DOCK7: variants seen among roughly 807,000 people sequenced by gnomAD.
DOCK7 encodes the protein dedicator of cytokinesis protein 7.
DOCK7 carries 138 observed loss-of-function variants against 271.0 expected under a neutral mutation model. That is an observed-to-expected ratio of 0.51 (90% confidence interval 0.44 to 0.59). The LOEUF is 0.59. DOCK7 is among the 20% of genes least tolerant of loss of function. The pLI is 0.00. For missense variants in DOCK7, 2,066 were observed against 2,592.4 expected, an observed-to-expected ratio of 0.80 and a Z score of 4.41; for synonymous variants, 823 against 876.1, an observed-to-expected ratio of 0.94 and a Z score of 1.07.
At chr1:62,471,095 TTTC>T (rs1439817343) in intron 48 of DOCK7, among the ~76,000 whole-genome samples, 1 of 152,182 alleles carries the variant, frequency 6.6e-6, no homozygotes, top group African/African-American at 2.4e-5. Context: ...TCCTTATGAT[TTTC>T]TTAATAACAT....
intron 43 of DOCK7, 32 bp from the exon 44 acceptor site, chr1:62,477,857 A>G (rs1478408709): frequency 6.5e-7 from 1 of 1,549,756 alleles, no homozygotes; most frequent in Non-Finnish European, 8.7e-7. Context: ...AAATGGAGAA[A>G]CTTTAATATG....
Position 62,504,623 on chromosome 1 carries a change from T to C in DOCK7, c.4764+7A>G, listed in dbSNP as rs530877930. The C allele has an allele frequency of 1.2e-6, 2 of 1,607,466 alleles. No individual in the cohort carries two copies. Among genetic ancestry groups the C allele is most frequent in the African/African-American group, 1.3e-5 (1 of 74,742 alleles). On this transcript the variant is annotated splice_region_variant and intron_variant, in intron 37 of 49. Coordinates refer to ENST00000635253, the MANE Select transcript of DOCK7 (RefSeq NM_001367561.1). ...AATACAGAGAATTTTCATGATAAAATACTTACATTCCCAATCTCAAAGTTT... is the reference window on the plus strand; with the variant it reads ...AATACAGAGAATTTTCATGATAAAACACTTACATTCCCAATCTCAAAGTTT...
intron 36 of DOCK7, among the ~76,000 whole-genome samples, chr1:62,505,128 G>A (rs889731183): frequency 6.6e-5 from 10 of 152,064 alleles, no homozygotes; most frequent in Admixed American, 3.3e-4. Context: ...AAAATAATAC[G>A]TAAGTTATTT....
chr1:62,637,652 C>T (rs1437907635), intron 7 of DOCK7, among the ~76,000 whole-genome samples: 1 of 152,130 alleles, frequency 6.6e-6, no homozygotes, highest in Non-Finnish European at 1.5e-5. Flanking sequence ...GTAGAAAATA[C>T]ACAACATATT....
chr1:62,598,927 GT>G (rs1463290504), intron 14 of DOCK7: 20 of 684,504 alleles, frequency 2.9e-5, no homozygotes, highest in Non-Finnish European at 3.4e-5. Context: ...CAGCATAACT[GT>G]TAAAATTGCA....
chr1:62,580,197 G>T (rs1247461340), intron 16 of DOCK7, among the ~76,000 whole-genome samples: 1 of 152,040 alleles, frequency 6.6e-6, no homozygotes, highest in African/African-American at 2.4e-5. Context: ...TCTCAAATAA[G>T]CCTCAAAAAC....
intron 22 of DOCK7, among the ~76,000 whole-genome samples, chr1:62,546,594 G>A (rs1041642400): frequency 2.6e-5 from 4 of 152,032 alleles, no homozygotes; most frequent in Non-Finnish European, 5.9e-5. Flanking sequence ...TTAAATAATG[G>A]AAGTAAATTA....
chr1:62,479,669 G>C (rs1022391757), intron 43 of DOCK7: 15 of 320,878 alleles, frequency 4.7e-5, no homozygotes, highest in Non-Finnish European at 4.5e-5. Context: ...CCTACTTTTT[G>C]TTTTTTATTT....
chr1:62,682,646 G>C (rs1040511231), intron 1 of DOCK7, among the ~76,000 whole-genome samples: 3 of 152,174 alleles, frequency 2.0e-5, no homozygotes, highest in Non-Finnish European at 4.4e-5. Context: ...CATAAGGTAA[G>C]CACAACTATA....
rs552598101 is a variant in DOCK7 at position 62,658,434 on chromosome 1, T to G, written c.145-4275A>C. Among the ~76,000 whole-genome samples, 16 of 152,110 alleles carry G rather than the reference T, an allele frequency of 1.1e-4. No individual in the cohort carries two copies. The South Asian group carries it at 3.1e-3, about 30-fold the overall frequency. On this transcript the variant is annotated intron_variant, in intron 2 of 49. Transcript: ENST00000635253. ...AAGATTGCACCACTGCACTCCAGTC[T>G]GGGGGACAGAGCGAGACTCAGTCTC...
intron 29 of DOCK7, among the ~76,000 whole-genome samples, chr1:62,532,879 G>A (rs1001443435): frequency 2.6e-5 from 4 of 152,084 alleles, no homozygotes; most frequent in African/African-American, 9.7e-5. Context: ...GGAAGAGAGT[G>A]GCAGGAGTAG....
At chr1:62,552,927 T>C (rs751395347) in intron 21 of DOCK7, 26 bp from the exon 22 acceptor site, 2 of 1,439,370 alleles carry the variant, frequency 1.4e-6, no homozygotes. Context: ...AAATAGCACA[T>C]AATTAAAGAA....
At chr1:62,502,762 A>AT (rs5774606) in intron 37 of DOCK7, among the ~76,000 whole-genome samples, 52,108 of 151,764 alleles carry the variant, frequency 0.34, 9,126 homozygotes, top group South Asian at 0.43. Context: ...AACCAACACA[A>AT]TTTTTTTTAA....
rs763811866 is a variant in DOCK7, at chr1:62,510,650, A to T, written c.4306T>A (p.Phe1436Ile). ...CACCTCAAATTTTCTTGACTTCCAA[A>T]GGCACTTCCAGATGGGCTTCTCTCT... The part of the protein sequence containing the change: ...PPERSPSGSA[F>I]GSQENLRWRK... Residue 1436 changes from phenylalanine (F) to isoleucine (I), a missense_variant, in exon 34 of 50, where the codon TTT (phenylalanine) becomes ATT (isoleucine). Physicochemically the swap from Phe to Ile is conservative, Grantham distance 21 (BLOSUM62 0). This residue lies in a region of DOCK7 where 652 missense variants were observed against 922.1 expected (regional missense o/e 0.71). Transcript: ENST00000635253. The T allele has an allele frequency of 6.2e-7, 1 of 1,613,178 alleles. No individual in the cohort carries two copies.
At chr1:62,572,129 C>T (rs1646801702) in intron 18 of DOCK7, among the ~76,000 whole-genome samples, 1 of 152,142 alleles carries the variant, frequency 6.6e-6, no homozygotes, top group Admixed American at 6.5e-5. Flanking sequence ...TATCTGAAAA[C>T]TGTTAGACAT....
chr1:62,671,638 A>T (rs1660016693), intron 1 of DOCK7, among the ~76,000 whole-genome samples: 1 of 152,228 alleles, frequency 6.6e-6, no homozygotes, highest in Non-Finnish European at 1.5e-5. Context: ...GGAAGAAAAA[A>T]GTATGCCTTC....
At chr1:62,662,704 T>C (rs893667555) in intron 2 of DOCK7, among the ~76,000 whole-genome samples, 2 of 152,076 alleles carry the variant, frequency 1.3e-5, no homozygotes, top group African/African-American at 4.8e-5. Flanking sequence ...GAAGTTGCAG[T>C]GAGCCGAGAA....
rs10493326 is a variant in DOCK7 at position 62,487,702 on chromosome 1, G to A, written c.5494-290C>T. On this transcript the variant is annotated intron_variant, in intron 42 of 49. Transcript: ENST00000635253. ...ATGTTTAAGTAAGATCTCTAACTAAGGTGAGCTGCACTTCACCAAGTATCC... is the reference window on the plus strand; with the variant it reads ...ATGTTTAAGTAAGATCTCTAACTAAAGTGAGCTGCACTTCACCAAGTATCC... 62,852 of 293,872 alleles carry A rather than the reference G, an allele frequency of 0.21. 7,608 individuals are homozygous for A. The highest frequency in any genetic ancestry group is 0.26 in the Non-Finnish European group (39,775 of 155,474). 18.2% of individuals were successfully genotyped at this position (293,872 alleles called of 1,614,324 possible).
chr1:62,542,081 T>C (rs957092307), intron 25 of DOCK7, among the ~76,000 whole-genome samples: 1 of 152,092 alleles, frequency 6.6e-6, no homozygotes, highest in Admixed American at 6.6e-5. Context: ...TCTTGCTATG[T>C]TGCCCAGGCT....
Sources: gnomAD v4.1 joint callset for allele counts (sites outside exome capture counted in the v4.1 genomes callset) on GRCh38, gnomAD v4.1.1 for gene constraint, gnomAD v4.1.1 regional missense constraint, MANE v1.5 for transcripts, NCBI Gene and HGNC (gene_info 2026-07-23, HGNC 2026-07-21) for gene names.